The following MYRIP variants were observed in gnomAD, a reference collection of about 807,000 sequenced individuals.
The protein encoded by MYRIP is myosin VIIA and Rab interacting protein.
MYRIP carries 49 observed loss-of-function variants against 98.0 expected under a neutral mutation model. The ratio of observed to expected loss-of-function variants is 0.50; its 90% CI spans 0.40 to 0.63. The LOEUF is 0.63. MYRIP is among the 30% of genes least tolerant of loss of function. The pLI, the probability that MYRIP is intolerant of heterozygous loss-of-function variation, is 0.00. For missense variants in MYRIP, 1,004 were observed against 1,058.2 expected (o/e 0.95, Z 0.71); for synonymous variants, 404 against 409.5 (o/e 0.99, Z 0.16).
chr3:40,010,380 A>C (rs1432994148), intron 2 of MYRIP, among the ~76,000 whole-genome samples: 1 of 152,196 alleles, frequency 6.6e-6, no homozygotes, highest in Non-Finnish European at 1.5e-5. Context: ...GAAAGAGCAG[A>C]GGAGCCCTGG....
At chr3:39,903,817 C>A (rs556100693) in intron 2 of MYRIP, among the ~76,000 whole-genome samples, 1 of 152,336 alleles carries the variant, frequency 6.6e-6, no homozygotes, top group South Asian at 2.1e-4. Context: ...TTTCCAGATT[C>A]TCTCCATTAC....
intron 3 of MYRIP, among the ~76,000 whole-genome samples, chr3:40,087,523 A>G (rs1283636494): frequency 6.6e-6 from 1 of 152,174 alleles, no homozygotes; most frequent in Non-Finnish European, 1.5e-5. Flanking sequence ...GCATTTATCT[A>G]GTGTGAATGT....
At chr3:39,852,439 T>C (rs1333346624) in intron 1 of MYRIP, among the ~76,000 whole-genome samples, 1 of 152,190 alleles carries the variant, frequency 6.6e-6, no homozygotes, top group Non-Finnish European at 1.5e-5. Context: ...CTTGGTTACA[T>C]GGGTAGGCTC....
intron 2 of MYRIP, among the ~76,000 whole-genome samples, chr3:40,010,231 GAC>G (rs1446019569): frequency 6.6e-6 from 1 of 152,232 alleles, no homozygotes. Flanking sequence ...GAATTTGCTA[GAC>G]AGCAAGGCCA....
At chr3:39,866,325 G>T (rs1559501453) in intron 1 of MYRIP, among the ~76,000 whole-genome samples, 1 of 151,934 alleles carries the variant, frequency 6.6e-6, no homozygotes, top group Non-Finnish European at 1.5e-5. Flanking sequence ...ATATACCCCT[G>T]AACCTAAAAT....
chr3:40,220,635 T>C (rs1434751306), intron 11 of MYRIP, among the ~76,000 whole-genome samples: 1 of 152,158 alleles, frequency 6.6e-6, no homozygotes, highest in East Asian at 1.9e-4. Context: ...CTCACACTGC[T>C]ATAAAGAAAA....
intron 1 of MYRIP, among the ~76,000 whole-genome samples, chr3:39,869,972 G>A (rs1942736387): frequency 6.6e-6 from 1 of 152,164 alleles, no homozygotes; most frequent in South Asian, 2.1e-4. Context: ...AAGTTTTTTA[G>A]TGTATAATGC....
intron 1 of MYRIP, among the ~76,000 whole-genome samples, chr3:39,836,319 T>C (rs1176374584): frequency 6.6e-6 from 1 of 152,230 alleles, no homozygotes; most frequent in Non-Finnish European, 1.5e-5. Context: ...ATGGTAGTTT[T>C]TATTTGCATT....
intron 1 of MYRIP, among the ~76,000 whole-genome samples, chr3:39,898,284 AAAT>A (rs1943662413): frequency 6.6e-6 from 1 of 152,198 alleles, no homozygotes; most frequent in Non-Finnish European, 1.5e-5. Context: ...TTTTTTAAAA[AAAT>A]AGTTGGAATT....
intron 2 of MYRIP, among the ~76,000 whole-genome samples, chr3:40,038,970 T>TGGAACAGCAACATGTCCA (rs1947445270): frequency 6.6e-6 from 1 of 152,130 alleles, no homozygotes; most frequent in Non-Finnish European, 1.5e-5. Flanking sequence ...TAGGCAGAGA[T>TGGAACAGCAACATGTCCA]GGAACAGCAA....
intron 10 of MYRIP, among the ~76,000 whole-genome samples, chr3:40,199,670 G>A (rs1385904892): frequency 3.9e-5 from 6 of 152,148 alleles, no homozygotes; most frequent in Non-Finnish European, 5.9e-5. Flanking sequence ...GTACACAGAC[G>A]AAAGGGTAAT....
At chr3:39,838,340 T>C (rs1941688162) in intron 1 of MYRIP, among the ~76,000 whole-genome samples, 1 of 152,214 alleles carries the variant, frequency 6.6e-6, no homozygotes, top group South Asian at 2.1e-4. Flanking sequence ...ATATTAGCTG[T>C]GGGTTTGTCA....
chr3:39,856,568 A>G (rs1942301665), intron 1 of MYRIP, among the ~76,000 whole-genome samples: 1 of 152,160 alleles, frequency 6.6e-6, no homozygotes, highest in Non-Finnish European at 1.5e-5. Context: ...CTGCCTGACC[A>G]CGATCCCAAC....
At chr3:39,994,537 C>T (rs540663012) in intron 2 of MYRIP, among the ~76,000 whole-genome samples, 10 of 152,282 alleles carry the variant, frequency 6.6e-5, no homozygotes, top group East Asian at 5.8e-4. Context: ...ACAAAGTGGC[C>T]GGGAAGCTGG....
At chr3:40,250,114 G>T (rs1441791715) in intron 13 of MYRIP, 108 bp from the exon 14 acceptor site, 5 of 813,570 alleles carry the variant, frequency 6.1e-6, no homozygotes, top group South Asian at 1.7e-5. Context: ...ATGAATGAAT[G>T]AGCATACATC....
At chr3:40,245,659 A>G (rs2125715100) in intron 13 of MYRIP, among the ~76,000 whole-genome samples, 1 of 150,610 alleles carries the variant, frequency 6.6e-6, no homozygotes, top group African/African-American at 2.4e-5. Context: ...CCAAAAAAAA[A>G]AAAAAAAAAA....
intron 3 of MYRIP, among the ~76,000 whole-genome samples, chr3:40,149,067 T>C (rs374014421): frequency 2.1e-4 from 32 of 152,326 alleles, no homozygotes; most frequent in African/African-American, 7.7e-4. Context: ...TCTTCCGTAT[T>C]AGTCCATTTG....
rs1559434783 is a variant in MYRIP, at chr3:40,175,145, A to AAAAAT, written c.873+5056_873+5057insTAAAA. Among the ~76,000 whole-genome samples, 700 of 149,968 alleles carry AAAAAT rather than the reference A, an allele frequency of 4.7e-3. 6 individuals are homozygous for AAAAAT. Among genetic ancestry groups the AAAAAT allele is most frequent in the African/African-American group, 0.016 (651 of 41,108 alleles). On this transcript the variant is annotated intron_variant, in intron 8 of 16. Coordinates refer to ENST00000302541, the MANE Select transcript of MYRIP (RefSeq NM_015460.4). Reference sequence around the variant, plus strand: ...GTCTCAAAAATAATAAAATAAAAATAAAAAAATAAAGATAAATGTTATTGG... The same window carrying AAAAAT: ...GTCTCAAAAATAATAAAATAAAAATAAAAATAAAAAATAAAGATAAATGTTATTGG...
At chr3:40,243,564 A>G (rs1324416707) in intron 12 of MYRIP, among the ~76,000 whole-genome samples, 1 of 152,238 alleles carries the variant, frequency 6.6e-6, no homozygotes, top group East Asian at 1.9e-4. Context: ...AGGATTTTAT[A>G]TATGTTGATT....
Sources: gnomAD v4.1 joint callset for allele counts (sites outside exome capture counted in the v4.1 genomes callset) on GRCh38, gnomAD v4.1.1 for gene constraint, MANE v1.5 for transcripts, NCBI Gene and HGNC (gene_info 2026-07-23, HGNC 2026-07-21) for gene names.